TMEM132D: variants seen among roughly 807,000 people sequenced by gnomAD.
TMEM132D encodes the protein mature OL transmembrane protein.
TMEM132D carries 21 observed loss-of-function variants against 62.3 expected under a neutral mutation model. The ratio of observed to expected loss-of-function variants is 0.34; its 90% CI spans 0.24 to 0.49. The LOEUF is 0.49. Ranked by LOEUF, TMEM132D falls within the 20% of genes least tolerant of loss-of-function variation. TMEM132D has a pLI of 0.99. For synonymous variants in TMEM132D, 621 were observed against 575.6 expected (o/e 1.08, Z -1.13); for missense variants, 1,346 against 1,402.8 (o/e 0.96, Z 0.65).
intron 3 of TMEM132D, among the ~76,000 whole-genome samples, chr12:129,345,960 G>A (rs555194669): frequency 9.2e-5 from 14 of 152,262 alleles, no homozygotes; most frequent in Admixed American, 3.3e-4. Flanking sequence ...CATAAAATGA[G>A]TTAGGGAGGA....
intron 3 of TMEM132D, among the ~76,000 whole-genome samples, chr12:129,528,833 C>A (rs1187849619): frequency 6.6e-6 from 1 of 152,196 alleles, no homozygotes; most frequent in African/African-American, 2.4e-5. Context: ...AGACCTGCTC[C>A]CAAAACTATA....
chr12:129,135,004 C>T (rs1876516847), intron 5 of TMEM132D, among the ~76,000 whole-genome samples: 2 of 152,222 alleles, frequency 1.3e-5, no homozygotes, highest in South Asian at 2.1e-4. Context: ...ACTTAAGTCT[C>T]TATTTCCTCT....
intron 3 of TMEM132D, among the ~76,000 whole-genome samples, chr12:129,498,878 T>G (rs1158617863): frequency 2.0e-5 from 3 of 152,186 alleles, no homozygotes; most frequent in African/African-American, 7.2e-5. Flanking sequence ...AACTAAAATT[T>G]GGAGCTCCAA....
chr12:129,210,512 T>C (rs767715841), intron 4 of TMEM132D, among the ~76,000 whole-genome samples: 5 of 152,198 alleles, frequency 3.3e-5, no homozygotes, highest in Non-Finnish European at 5.9e-5. Flanking sequence ...ATCGAGCAGC[T>C]CAAGACAGGT....
chr12:129,124,061 T>C (rs1876142895), intron 5 of TMEM132D, among the ~76,000 whole-genome samples: 1 of 152,214 alleles, frequency 6.6e-6, no homozygotes, highest in African/African-American at 2.4e-5. Context: ...TGCAGCCGAC[T>C]GGTTCTGCTT....
intron 4 of TMEM132D, among the ~76,000 whole-genome samples, chr12:129,323,916 T>A (rs981779862): frequency 4.6e-5 from 7 of 151,958 alleles, no homozygotes; most frequent in African/African-American, 1.7e-4. Context: ...GGTTTTATTT[T>A]TTTTTTTTGA....
intron 4 of TMEM132D, among the ~76,000 whole-genome samples, chr12:129,222,445 C>T (rs10773619): frequency 0.32 from 49,094 of 151,942 alleles, 8,176 homozygotes; most frequent in Middle Eastern, 0.42. Flanking sequence ...TTATAAAGGT[C>T]TTCCCCCATA....
intron 3 of TMEM132D, among the ~76,000 whole-genome samples, chr12:129,367,772 C>A (rs1024593822): frequency 2.5e-5 from 3 of 120,088 alleles, no homozygotes; most frequent in Non-Finnish European, 3.4e-5. Context: ...TTTTCCATTT[C>A]TTTTCTTTTT....
chr12:129,181,588 G>A (rs1410749944), intron 5 of TMEM132D, among the ~76,000 whole-genome samples: 2 of 152,082 alleles, frequency 1.3e-5, no homozygotes, highest in Admixed American at 6.6e-5. Context: ...CTCCTGCATC[G>A]ATCCTTCCCA....
chr12:129,661,634 T>C (rs1183951118), intron 2 of TMEM132D, among the ~76,000 whole-genome samples: 20 of 152,206 alleles, frequency 1.3e-4, no homozygotes. Flanking sequence ...GCTACACTTG[T>C]CCTTAAAACA....
At chr12:129,411,689 A>T (rs192525801) in intron 3 of TMEM132D, among the ~76,000 whole-genome samples, 2 of 152,188 alleles carry the variant, frequency 1.3e-5, no homozygotes, top group African/African-American at 2.4e-5. Context: ...GATTTCAGCT[A>T]GAGTTGATAT....
chr12:129,202,250 G>C (rs1027537560), intron 5 of TMEM132D, among the ~76,000 whole-genome samples: 4 of 152,208 alleles, frequency 2.6e-5, no homozygotes, highest in South Asian at 2.1e-4. Flanking sequence ...AGGCTTTCCA[G>C]GGGCTGCACA....
chr12:129,113,109 A>G (rs1056438886), intron 5 of TMEM132D: 1 of 152,212 alleles, frequency 6.6e-6, no homozygotes, highest in Non-Finnish European at 1.5e-5. Flanking sequence ...AGAGAGTATC[A>G]TGGAACTGAA....
intron 4 of TMEM132D, among the ~76,000 whole-genome samples, chr12:129,217,627 A>G (rs1405525234): frequency 1.3e-5 from 2 of 152,094 alleles, no homozygotes; most frequent in Non-Finnish European, 2.9e-5. Context: ...CCATCACTTA[A>G]CTCTGTGTGA....
At chr12:129,620,814 C>T (rs1008870568) in intron 2 of TMEM132D, among the ~76,000 whole-genome samples, 1 of 151,990 alleles carries the variant, frequency 6.6e-6, no homozygotes, top group Non-Finnish European at 1.5e-5. Flanking sequence ...CACACTGGGG[C>T]CCTCTTGGGG....
chr12:129,305,810 G>A (rs1881835010), intron 4 of TMEM132D, among the ~76,000 whole-genome samples: 1 of 152,154 alleles, frequency 6.6e-6, no homozygotes, highest in South Asian at 2.1e-4. Context: ...GTCTTTGTGA[G>A]CAGTGCTGGG....
intron 1 of TMEM132D, among the ~76,000 whole-genome samples, chr12:129,874,846 G>A (rs972064077): frequency 1.8e-4 from 27 of 151,948 alleles, no homozygotes; most frequent in Admixed American, 3.3e-4. Context: ...GATTACAGGC[G>A]TGCGCCACCA....
At chr12:129,327,381 T>C (rs1367442682) in intron 4 of TMEM132D, among the ~76,000 whole-genome samples, 1 of 152,200 alleles carries the variant, frequency 6.6e-6, no homozygotes, top group Non-Finnish European at 1.5e-5. Flanking sequence ...AACTTTTAGA[T>C]ACTGTCTAAC....
At chr12:129,721,889 A>C (rs948129411) in intron 1 of TMEM132D, among the ~76,000 whole-genome samples, 1 of 152,222 alleles carries the variant, frequency 6.6e-6, no homozygotes, top group African/African-American at 2.4e-5. Flanking sequence ...TCCTATGCAG[A>C]AGGTATAAAG....
Sources: gnomAD v4.1 joint callset for allele counts (sites outside exome capture counted in the v4.1 genomes callset) on GRCh38, gnomAD v4.1.1 for gene constraint, MANE v1.5 for transcripts, NCBI Gene and HGNC (gene_info 2026-07-23, HGNC 2026-07-21) for gene names.